ADAMTSL1: variants seen among roughly 807,000 people sequenced by gnomAD.
ADAMTSL1 encodes ADAMTS like 1.
Under a neutral mutation model 201.8 loss-of-function variants are expected in ADAMTSL1, and 126 were observed. The ratio of observed to expected loss-of-function variants is 0.62; its 90% CI spans 0.54 to 0.72. ADAMTSL1 has a LOEUF of 0.72. ADAMTSL1 is among the 30% of genes least tolerant of loss of function. The pLI, the probability that ADAMTSL1 is intolerant of heterozygous loss-of-function variation, is 0.00. For synonymous variants in ADAMTSL1, 1,121 were observed against 903.4 expected, an observed-to-expected ratio of 1.24 and a Z score of -4.32; for missense variants, 2,679 against 2,277.8, an observed-to-expected ratio of 1.18 and a Z score of -3.59.
chr9:18,651,627 T>G (rs1355341003), intron 7 of ADAMTSL1, among the ~76,000 whole-genome samples: 1 of 152,190 alleles, frequency 6.6e-6, no homozygotes, highest in Non-Finnish European at 1.5e-5. Flanking sequence ...ATTGCATATC[T>G]ATAGTTGGAA....
intron 2 of ADAMTSL1, among the ~76,000 whole-genome samples, chr9:18,356,476 T>A: frequency 6.8e-6 from 1 of 147,056 alleles, no homozygotes; most frequent in East Asian, 2.0e-4. Context: ...TTCAGTGAGC[T>A]ATGATTGTGC....
chr9:18,667,547 G>T (rs1034882492), intron 9 of ADAMTSL1, among the ~76,000 whole-genome samples: 1 of 152,070 alleles, frequency 6.6e-6, no homozygotes, highest in Non-Finnish European at 1.5e-5. Context: ...TTCATCCTAC[G>T]AAGTGAGGAT....
intron 23 of ADAMTSL1, among the ~76,000 whole-genome samples, chr9:18,869,094 A>C (rs1480450634): frequency 6.6e-6 from 1 of 152,262 alleles, no homozygotes; most frequent in Non-Finnish European, 1.5e-5. Context: ...CCATGTGAAC[A>C]TAAAGACAGA....
intron 2 of ADAMTSL1, among the ~76,000 whole-genome samples, chr9:18,308,109 A>G (rs904069251): frequency 2.0e-5 from 3 of 152,150 alleles, no homozygotes; most frequent in Non-Finnish European, 4.4e-5. Context: ...TAAATAACAA[A>G]ATGAAGGCAG....
At chr9:18,702,358 GTTTT>G (rs1278039794) in intron 13 of ADAMTSL1, among the ~76,000 whole-genome samples, 1 of 152,110 alleles carries the variant, frequency 6.6e-6, no homozygotes, top group Non-Finnish European at 1.5e-5. Flanking sequence ...AGAGTAAGTT[GTTTT>G]TGTTTATCAG....
intron 14 of ADAMTSL1, among the ~76,000 whole-genome samples, chr9:18,715,699 C>G (rs2091274672): frequency 1.3e-5 from 2 of 152,054 alleles, no homozygotes; most frequent in South Asian, 4.1e-4. Flanking sequence ...CCCCATCAAG[C>G]TACCAATGAC....
At chr9:18,087,618 T>C (rs777292002) in intron 1 of ADAMTSL1, among the ~76,000 whole-genome samples, 4 of 152,132 alleles carry the variant, frequency 2.6e-5, no homozygotes, top group Admixed American at 6.6e-5. Context: ...TTAGTAGACA[T>C]GTTTGAGTAT....
chr9:17,979,821 G>A (rs1818614053), intron 1 of ADAMTSL1, among the ~76,000 whole-genome samples: 1 of 152,142 alleles, frequency 6.6e-6, no homozygotes, highest in African/African-American at 2.4e-5. Flanking sequence ...TTCTGGTTCA[G>A]TCAGCTGGTG....
intron 16 of ADAMTSL1, among the ~76,000 whole-genome samples, chr9:18,768,623 G>GA (rs1200289145): frequency 6.6e-6 from 1 of 151,556 alleles, no homozygotes; most frequent in African/African-American, 2.4e-5. Context: ...AATTTGAAAT[G>GA]AAAAAAATAA....
chr9:18,855,491 G>C (rs1826783561), intron 23 of ADAMTSL1, among the ~76,000 whole-genome samples: 1 of 152,258 alleles, frequency 6.6e-6, no homozygotes, highest in South Asian at 2.1e-4. Context: ...GCCAGAGGTA[G>C]GGTAGGCCAA....
chr9:18,361,213 A>G (rs945228089), intron 2 of ADAMTSL1, among the ~76,000 whole-genome samples: 11 of 152,230 alleles, frequency 7.2e-5, no homozygotes, highest in African/African-American at 2.2e-4. Context: ...TTCTTTTCCA[A>G]TAAGTGTATT....
chr9:18,409,904 A>G (rs1327683962), intron 2 of ADAMTSL1, among the ~76,000 whole-genome samples: 1 of 150,916 alleles, frequency 6.6e-6, no homozygotes, highest in Admixed American at 6.6e-5. Context: ...TTTCTTTCCT[A>G]TTCCTACAGA....
At chr9:18,394,565 A>T (rs1417043) in intron 2 of ADAMTSL1, among the ~76,000 whole-genome samples, 6,925 of 152,318 alleles carry the variant, frequency 0.045, 178 homozygotes, top group Middle Eastern at 0.092. Flanking sequence ...TGTGCTTTCA[A>T]CTTATCACAA....
chr9:18,787,046 A>G (rs1482576006), intron 19 of ADAMTSL1, among the ~76,000 whole-genome samples: 1 of 152,218 alleles, frequency 6.6e-6, no homozygotes, highest in Non-Finnish European at 1.5e-5. Context: ...ATAGTTGTGA[A>G]TAATTCTCTA....
intron 22 of ADAMTSL1, among the ~76,000 whole-genome samples, chr9:18,828,865 C>G (rs1259513273): frequency 6.6e-6 from 1 of 151,626 alleles, no homozygotes; most frequent in Non-Finnish European, 1.5e-5. Flanking sequence ...CCAGCCCTAA[C>G]AAGTGCCTTA....
chr9:18,663,111 C>G (rs779825716), intron 9 of ADAMTSL1, among the ~76,000 whole-genome samples: 3 of 152,074 alleles, frequency 2.0e-5, no homozygotes, highest in Admixed American at 6.6e-5. Context: ...AGGTGATAAG[C>G]AATGCAATTT....
chr9:18,243,195 A>G (rs4433246), intron 2 of ADAMTSL1, among the ~76,000 whole-genome samples: 46,995 of 152,050 alleles, frequency 0.31, 7,424 homozygotes, highest in Admixed American at 0.38. Context: ...TGGTCAACTA[A>G]TTTTTGACAA....
At chr9:18,584,718 G>A (rs1366836019) in intron 4 of ADAMTSL1, among the ~76,000 whole-genome samples, 4 of 152,156 alleles carry the variant, frequency 2.6e-5, no homozygotes, top group Non-Finnish European at 5.9e-5. Flanking sequence ...GGGTATTTTT[G>A]GAGGAGATTG....
intron 2 of ADAMTSL1, among the ~76,000 whole-genome samples, chr9:18,321,961 T>C (rs781103492): frequency 5.9e-5 from 9 of 152,186 alleles, no homozygotes; most frequent in Non-Finnish European, 1.2e-4. Flanking sequence ...ACAATGGAAC[T>C]AAATTAGAAA....
Sources: allele counts gnomAD v4.1 joint callset (sites outside exome capture counted in the v4.1 genomes callset), GRCh38; gene constraint gnomAD v4.1.1; transcripts MANE v1.5; gene names NCBI Gene and HGNC (gene_info 2026-07-23, HGNC 2026-07-21).